MMP16: variants seen among roughly 807,000 people sequenced by gnomAD.
MMP16 encodes the protein matrix metalloproteinase-16.
MMP16 carries 12 observed loss-of-function variants against 67.8 expected under a neutral mutation model. The observed-to-expected ratio is 0.18, with a 90% CI of 0.11 to 0.29. The LOEUF (loss-of-function observed/expected upper bound fraction) is 0.29. MMP16 is among the 10% of genes least tolerant of loss of function. The pLI, the probability that MMP16 is intolerant of heterozygous loss-of-function variation, is 1.00. For missense variants in MMP16, 475 were observed against 765.7 expected (o/e 0.62, Z 4.48); for synonymous variants, 249 against 255.9 (o/e 0.97, Z 0.26).
At chr8:88,089,336 G>A (rs1808894978) in intron 6 of MMP16, among the ~76,000 whole-genome samples, 1 of 152,018 alleles carries the variant, frequency 6.6e-6, no homozygotes, top group Admixed American at 6.6e-5. Flanking sequence ...GCTTCATAAG[G>A]CTGAAGATTA....
chr8:88,168,265 A>G (rs1404170030), intron 3 of MMP16, among the ~76,000 whole-genome samples: 1 of 152,186 alleles, frequency 6.6e-6, no homozygotes, highest in Non-Finnish European at 1.5e-5. Context: ...AGAAAGAGAA[A>G]GGCAGATTTG....
In MMP16 at chr8:88,033,110, A is replaced by G. The variant is rs2118159353; in HGVS notation, c.*8351T>C. The G allele has an allele frequency of 6.6e-6, 1 of 152,084 alleles. No individual in the cohort carries two copies. The highest frequency in any genetic ancestry group is 2.1e-4 in the South Asian group (1 of 4,828). The allele number at this position is 152,084 out of a possible 1,614,324, so 9.4% of individuals were successfully genotyped here. ...TTCCCATAACCACAATATAGAAAGG[A>G]AAAAATTAGTTTCACAAGAAGCTAT... On this transcript the variant is annotated 3_prime_UTR_variant, in exon 10 of 10. Coordinates refer to ENST00000286614, the MANE Select transcript of MMP16 (RefSeq NM_005941.5).
intron 1 of MMP16, among the ~76,000 whole-genome samples, chr8:88,205,450 A>G (rs1262197254): frequency 6.6e-6 from 1 of 152,184 alleles, no homozygotes; most frequent in Non-Finnish European, 1.5e-5. Context: ...GCACCATGAA[A>G]GGGCACTGAG....
At chr8:88,172,677 G>A (rs1217996111) in intron 3 of MMP16, among the ~76,000 whole-genome samples, 2 of 151,986 alleles carry the variant, frequency 1.3e-5, no homozygotes, top group East Asian at 3.9e-4. Flanking sequence ...CTTTCTTTTT[G>A]TGAAAAGAGT....
intron 4 of MMP16, among the ~76,000 whole-genome samples, chr8:88,166,449 A>C (rs1229226939): frequency 3.3e-5 from 5 of 151,796 alleles, no homozygotes. Flanking sequence ...CTCTTATATT[A>C]AGTAACCACT....
chr8:88,297,623 T>C (rs2130034077), intron 1 of MMP16, among the ~76,000 whole-genome samples: 1 of 152,324 alleles, frequency 6.6e-6, no homozygotes, highest in Non-Finnish European at 1.5e-5. Flanking sequence ...TCAGCCAGAC[T>C]CTACCCAGCT....
At chr8:88,068,826 C>T (rs935071729) in intron 7 of MMP16, among the ~76,000 whole-genome samples, 4 of 152,104 alleles carry the variant, frequency 2.6e-5, no homozygotes, top group South Asian at 2.1e-4. Context: ...CTCAGCCTCC[C>T]GAGTGGCTGG....
intron 6 of MMP16, among the ~76,000 whole-genome samples, chr8:88,096,640 G>A (rs903424895): frequency 3.9e-5 from 6 of 151,902 alleles, no homozygotes; most frequent in Admixed American, 2.0e-4. Context: ...TGGACTGAGT[G>A]TTATGTCTAA....
intron 4 of MMP16, among the ~76,000 whole-genome samples, chr8:88,154,180 C>A (rs1201690824): frequency 1.7e-5 from 2 of 114,504 alleles, no homozygotes; most frequent in East Asian, 4.8e-4. Flanking sequence ...TCATCTCACA[C>A]CAGTTAGAAT....
At chr8:88,195,080 C>A (rs1242174330) in intron 2 of MMP16, among the ~76,000 whole-genome samples, 2 of 152,098 alleles carry the variant, frequency 1.3e-5, no homozygotes, top group Admixed American at 6.6e-5. Context: ...TTTTTTACAT[C>A]CTCCTGCCAG....
chr8:88,088,318 C>T (rs1053625644), intron 6 of MMP16, among the ~76,000 whole-genome samples: 4 of 151,602 alleles, frequency 2.6e-5, no homozygotes, highest in Non-Finnish European at 5.9e-5. Flanking sequence ...AAGCCCTGAG[C>T]AAGTGTAGAG....
intron 1 of MMP16, among the ~76,000 whole-genome samples, chr8:88,285,857 T>G (rs1031274333): frequency 6.6e-6 from 1 of 152,190 alleles, no homozygotes; most frequent in African/African-American, 2.4e-5. Context: ...TTAAACAAAT[T>G]CAGGCATTCC....
intron 1 of MMP16, among the ~76,000 whole-genome samples, chr8:88,202,638 TAC>T (rs140438260): frequency 8.0e-5 from 12 of 150,584 alleles, no homozygotes; most frequent in African/African-American, 1.5e-4. Context: ...TACATGCACA[TAC>T]ACACACACAC....
chr8:88,182,690 G>C (rs1809000535), intron 3 of MMP16, among the ~76,000 whole-genome samples: 1 of 152,076 alleles, frequency 6.6e-6, no homozygotes, highest in African/African-American at 2.4e-5. Context: ...CATATGATCA[G>C]CAATGACACT....
intron 4 of MMP16, among the ~76,000 whole-genome samples, chr8:88,135,831 T>C (rs1808109952): frequency 6.6e-6 from 1 of 151,930 alleles, no homozygotes; most frequent in Admixed American, 6.6e-5. Context: ...AAGTTAACTT[T>C]TGAATTTATT....
In MMP16 at chr8:88,326,532, T is replaced by C. The variant is rs143606715; in HGVS notation, c.132+543A>G. ...TGTAGCCAGATCTAGTTACAGTGTA[T>C]TAAGTTATGTCTAAATGAAAAAAAA... On this transcript the variant is annotated intron_variant, in intron 1 of 9. Transcript: ENST00000286614. 4.9e-4 allele frequency among the ~76,000 whole-genome samples: 75 copies of C among 152,046 alleles called. 1 individual carries two copies. The East Asian group carries it at 0.014, about 29-fold the overall frequency.
At position 88,154,567 on chromosome 8, in the gene MMP16, G is replaced by T. The variant is rs901204185; in HGVS notation, c.709+13102C>A. Among the ~76,000 whole-genome samples the T allele has an allele frequency of 4.0e-5, 6 of 151,698 alleles. No homozygotes were observed. The East Asian group carries it at 1.2e-3, about 29-fold the overall frequency. On this transcript the variant is annotated intron_variant, in intron 4 of 9. Transcript: ENST00000286614. ...AAATGATGAGTTCATGTCCTTTGTA[G>T]GGACATGGATGAAATTGGAAATCAT...
In MMP16 at chr8:88,327,226, G is replaced by T. The variant is rs1479053574; in HGVS notation, c.-20C>A. The stretch of plus-strand genomic sequence containing the variant: ...GATCATAGTGAACTGTGCTTCAATG[G>T]ATGGACGAGCTCCCCTTCGTTTTCT... On this transcript the variant is annotated 5_prime_UTR_variant, in exon 1 of 10. Transcript: ENST00000286614. 1.2e-6 allele frequency: 2 copies of T among 1,613,434 alleles called. No individual in the cohort carries two copies. Among genetic ancestry groups the T allele is most frequent in the East Asian group, 4.5e-5 (2 of 44,834 alleles).
At chr8:88,127,511 C>A (rs1451300874) in intron 4 of MMP16, among the ~76,000 whole-genome samples, 1 of 151,614 alleles carries the variant, frequency 6.6e-6, no homozygotes, top group African/African-American at 2.4e-5. Flanking sequence ...GGGGTTATGA[C>A]CAACAACCAT....
Sources: allele counts gnomAD v4.1 joint callset (sites outside exome capture counted in the v4.1 genomes callset), GRCh38; gene constraint gnomAD v4.1.1; transcripts MANE v1.5; gene names NCBI Gene and HGNC (gene_info 2026-07-23, HGNC 2026-07-21).